Variants in PTPRT observed in about 807,000 individuals in gnomAD.
PTPRT encodes receptor-type tyrosine-protein phosphatase T.
In PTPRT, 56 loss-of-function variants were observed where a neutral mutation model predicts 176.8. That is an observed-to-expected ratio of 0.32 (90% confidence interval 0.26 to 0.40). PTPRT has a LOEUF of 0.40. Among genes scored for constraint, PTPRT ranks in the 10% least tolerant of loss-of-function variants. The pLI is 1.00. For synonymous variants in PTPRT, 783 were observed against 739.0 expected, an observed-to-expected ratio of 1.06 and a Z score of -0.96; for missense variants, 1,540 against 1,908.2, an observed-to-expected ratio of 0.81 and a Z score of 3.60.
At chr20:43,045,769 T>C (rs1311457304) in intron 1 of PTPRT, among the ~76,000 whole-genome samples, 2 of 152,036 alleles carry the variant, frequency 1.3e-5, no homozygotes, top group South Asian at 2.1e-4. Flanking sequence ...GGACAATCCC[T>C]ACCCTTTTGA....
At chr20:42,746,496 G>A (rs1376830290) in intron 6 of PTPRT, among the ~76,000 whole-genome samples, 2 of 152,010 alleles carry the variant, frequency 1.3e-5, no homozygotes, top group Non-Finnish European at 2.9e-5. Context: ...AGGGGAGCCG[G>A]CATTATTATT....
rs1205725823 is a variant in PTPRT at position 42,448,235 on chromosome 20, G to A, written c.1545C>T (p.Val515=). 6.2e-7 allele frequency: 1 copy of A among 1,610,898 alleles called. No individual in the cohort carries two copies. Among genetic ancestry groups the A allele is most frequent in the South Asian group, 1.1e-5 (1 of 91,000 alleles). ...QWKPPNETNG[V]ITLYEINYKA... is the part of the protein sequence containing the mutation. Reference sequence around the variant, plus strand: ...ACCTCCTTACCTCGTAGAGCGTGATGACCCCATTGGTCTCATTGGGAGGTT... The same window carrying A: ...ACCTCCTTACCTCGTAGAGCGTGATAACCCCATTGGTCTCATTGGGAGGTT... Residue 515 remains valine, a synonymous_variant, in exon 9 of 31, where the codon GTC becomes GTT. Coordinates refer to ENST00000373187, the MANE Select transcript of PTPRT (RefSeq NM_007050.6).
intron 2 of PTPRT, among the ~76,000 whole-genome samples, chr20:42,843,663 G>A (rs1351889149): frequency 6.6e-6 from 1 of 152,212 alleles, no homozygotes; most frequent in Non-Finnish European, 1.5e-5. Flanking sequence ...ACTCCCTCAG[G>A]TATACAAAGA....
chr20:42,083,459 C>G (rs1218367551), intron 29 of PTPRT, among the ~76,000 whole-genome samples: 4 of 152,212 alleles, frequency 2.6e-5, no homozygotes, highest in Non-Finnish European at 4.4e-5. Flanking sequence ...TACGCAGCAT[C>G]TTCCTGAACT....
chr20:42,947,860 T>A (rs906274937), intron 1 of PTPRT, among the ~76,000 whole-genome samples: 4 of 152,100 alleles, frequency 2.6e-5, no homozygotes, highest in African/African-American at 9.7e-5. Flanking sequence ...TAATGACCAC[T>A]CCTTCATCCT....
In PTPRT at chr20:43,077,322, G is replaced by A. The variant is rs118091467; in HGVS notation, c.88+112324C>T. Reference sequence around the variant, plus strand: ...CCACTTGTCAATCTGAAAACAGGCTGCACAGCTCATGAAGTGACAAAGGAT... The same window carrying A: ...CCACTTGTCAATCTGAAAACAGGCTACACAGCTCATGAAGTGACAAAGGAT... On this transcript the variant is annotated intron_variant, in intron 1 of 30. Transcript: ENST00000373187. Among the ~76,000 whole-genome samples the A allele has an allele frequency of 3.2e-3, 481 of 152,288 alleles. 1 individual carries two copies. Among genetic ancestry groups the A allele is most frequent in the Non-Finnish European group, 5.0e-3 (339 of 68,020 alleles).
intron 1 of PTPRT, among the ~76,000 whole-genome samples, chr20:42,931,363 G>T (rs1266894054): frequency 6.6e-6 from 1 of 152,170 alleles, no homozygotes; most frequent in East Asian, 1.9e-4. Flanking sequence ...TCAGGAAGAG[G>T]CCCCTCACCA....
chr20:42,698,502 TA>T (rs1339973799), intron 6 of PTPRT, among the ~76,000 whole-genome samples: 1 of 151,944 alleles, frequency 6.6e-6, no homozygotes, highest in South Asian at 2.1e-4. Context: ...TATCCCACTC[TA>T]AAAAAAATAT....
intron 1 of PTPRT, among the ~76,000 whole-genome samples, chr20:43,146,912 C>G (rs74915212): frequency 0.016 from 2,453 of 152,218 alleles, 63 homozygotes; most frequent in African/African-American, 0.056. Context: ...CCTAAGTCCC[C>G]TAAAAGGAAG....
At chr20:42,250,252 G>A (rs2056528490) in intron 13 of PTPRT, among the ~76,000 whole-genome samples, 2 of 152,214 alleles carry the variant, frequency 1.3e-5, no homozygotes, top group South Asian at 4.1e-4. Context: ...TGTTAGCACA[G>A]ATTCTGACTG....
intron 1 of PTPRT, among the ~76,000 whole-genome samples, chr20:42,911,095 G>T (rs1258145792): frequency 6.6e-6 from 1 of 152,130 alleles, no homozygotes; most frequent in Non-Finnish European, 1.5e-5. Context: ...GACACATGGG[G>T]ATTATGGGGA....
intron 10 of PTPRT, 98 bp from the exon 11 acceptor site, chr20:42,350,828 G>C (rs532617936): frequency 1.7e-5 from 15 of 895,446 alleles, no homozygotes; most frequent in Admixed American, 5.6e-5. Flanking sequence ...AGCATGGATA[G>C]AGGGAGGACG....
At chr20:42,575,154 G>A (rs2073234870) in intron 7 of PTPRT, among the ~76,000 whole-genome samples, 1 of 152,128 alleles carries the variant, frequency 6.6e-6, no homozygotes, top group African/African-American at 2.4e-5. Context: ...CCCAGATGGG[G>A]GTAACACACA....
At chr20:42,129,507 C>G (rs1377849213) in intron 18 of PTPRT, among the ~76,000 whole-genome samples, 1 of 152,210 alleles carries the variant, frequency 6.6e-6, no homozygotes, top group East Asian at 1.9e-4. Context: ...AAAACCAGTA[C>G]AGCAGAAGAA....
At chr20:42,880,222 AT>A (rs1189870383) in intron 2 of PTPRT, among the ~76,000 whole-genome samples, 1 of 152,128 alleles carries the variant, frequency 6.6e-6, no homozygotes, top group Non-Finnish European at 1.5e-5. Flanking sequence ...CAGCAGTGGG[AT>A]TCCCAGAGAA....
intron 7 of PTPRT, among the ~76,000 whole-genome samples, chr20:42,478,540 T>G (rs1387039025): frequency 6.6e-6 from 1 of 152,058 alleles, no homozygotes; most frequent in Non-Finnish European, 1.5e-5. Context: ...ACTTATCAAA[T>G]CCTGTATTCT....
chr20:42,737,523 C>T (rs1462205887), intron 6 of PTPRT, among the ~76,000 whole-genome samples: 3 of 151,684 alleles, frequency 2.0e-5, no homozygotes. Flanking sequence ...CCCAGCTACT[C>T]GGGAGGCTGA....
At chr20:43,083,345 T>TATATAC (rs2011505030) in intron 1 of PTPRT, among the ~76,000 whole-genome samples, 1 of 117,378 alleles carries the variant, frequency 8.5e-6, no homozygotes, top group African/African-American at 3.1e-5. Flanking sequence ...TATATATATA[T>TATATAC]ATATATATAT....
intron 9 of PTPRT, among the ~76,000 whole-genome samples, chr20:42,385,822 C>T (rs2058739376): frequency 1.3e-5 from 2 of 152,210 alleles, no homozygotes; most frequent in Admixed American, 6.5e-5. Context: ...GAAACCACCC[C>T]CACGATTCAA....
Sources: allele counts gnomAD v4.1 joint callset (sites outside exome capture counted in the v4.1 genomes callset), GRCh38; gene constraint gnomAD v4.1.1; transcripts MANE v1.5; gene names NCBI Gene and HGNC (gene_info 2026-07-23, HGNC 2026-07-21).